The following THADA variants were observed in gnomAD, a reference collection of about 807,000 sequenced individuals.
THADA encodes the protein THADA armadillo repeat containing, also known as tRNA (32-2'-O)-methyltransferase regulator THADA.
In THADA, 213 loss-of-function variants were observed where a neutral mutation model predicts 219.8. The ratio of observed to expected loss-of-function variants is 0.97; its 90% CI spans 0.87 to 1.09. THADA has a LOEUF of 1.09. Among genes scored for constraint, THADA ranks in the 50% least tolerant of loss-of-function variants. The probability of loss-of-function intolerance (pLI) is 0.00; values close to 1 mark genes in which losing one functional copy is unlikely to be tolerated. For missense variants in THADA, 2,956 were observed against 2,311.3 expected (o/e 1.28, Z -5.72); for synonymous variants, 1,018 against 828.9 (o/e 1.23, Z -3.92).
chr2:43,554,718 C>G (rs1370587413), intron 17 of THADA, among the ~76,000 whole-genome samples: 1 of 152,050 alleles, frequency 6.6e-6, no homozygotes, highest in African/African-American at 2.4e-5. Context: ...AATTTAAAAG[C>G]CTACTTGGCA....
At chr2:43,331,566 C>T (rs1282603618) in intron 30 of THADA, among the ~76,000 whole-genome samples, 1 of 152,186 alleles carries the variant, frequency 6.6e-6, no homozygotes, top group Non-Finnish European at 1.5e-5. Flanking sequence ...GGTCTCTTAT[C>T]AAATCTTGCA....
intron 16 of THADA, among the ~76,000 whole-genome samples, chr2:43,557,307 G>A (rs1697492300): frequency 1.3e-5 from 2 of 152,134 alleles, no homozygotes; most frequent in Non-Finnish European, 1.5e-5. Flanking sequence ...ACTTTGTCCT[G>A]TAGAATTTTG....
chr2:43,592,086 C>T, intron 2 of THADA, 40 bp from the exon 3 acceptor site: 1 of 1,463,188 alleles, frequency 6.8e-7, no homozygotes, highest in Non-Finnish European at 9.2e-7. Context: ...AATGATTTAA[C>T]AGTGAGTTAA....
At chr2:43,522,717 C>G (rs1692652958) in intron 22 of THADA, among the ~76,000 whole-genome samples, 2 of 152,032 alleles carry the variant, frequency 1.3e-5, no homozygotes, top group Non-Finnish European at 2.9e-5. Context: ...TTACAGTAGG[C>G]TTAAAAATGA....
chr2:43,576,057 A>C (rs1019015248), intron 10 of THADA, among the ~76,000 whole-genome samples: 10 of 152,230 alleles, frequency 6.6e-5, no homozygotes, highest in Admixed American at 6.5e-4. Flanking sequence ...AGTTTTAAAA[A>C]ATGATGCTAA....
At chr2:43,482,517 G>T (rs1199358814) in intron 26 of THADA, among the ~76,000 whole-genome samples, 1 of 152,102 alleles carries the variant, frequency 6.6e-6, no homozygotes, top group Non-Finnish European at 1.5e-5. Context: ...ATTTTACAGA[G>T]AAGAAAACCA....
At chr2:43,509,300 G>C (rs941419906) in intron 22 of THADA, among the ~76,000 whole-genome samples, 11 of 152,156 alleles carry the variant, frequency 7.2e-5, no homozygotes, top group African/African-American at 2.7e-4. Context: ...TCTGGGAAGA[G>C]GCATAAACAT....
At chr2:43,281,930 T>C (rs1240496743) in intron 35 of THADA, among the ~76,000 whole-genome samples, 1 of 152,136 alleles carries the variant, frequency 6.6e-6, no homozygotes. Context: ...CCACCACATC[T>C]GGCTAATTTT....
In THADA at chr2:43,574,382, T is replaced by A; in HGVS notation, c.1683A>T (p.Leu561Phe). ...PKLLSYSPES[L>F]QYMVKILQTS... ...TCTGAAGAATCTTTACCATGTACTG[T>A]AAGCTTTCAGGGCTGTAACTTAATA... The change falls in exon 11 of 38, where the codon TTA becomes TTT. Residue 561 changes from leucine to phenylalanine, a missense_variant. Physicochemically the swap from Leu to Phe is conservative, Grantham distance 22. Transcript: ENST00000405975. The A allele has an allele frequency of 6.2e-7, 1 of 1,606,996 alleles. No homozygotes were observed. Among genetic ancestry groups the A allele is most frequent in the South Asian group, 1.1e-5 (1 of 89,878 alleles).
intron 26 of THADA, among the ~76,000 whole-genome samples, chr2:43,475,171 C>G (rs541626523): frequency 7.9e-5 from 12 of 152,176 alleles, no homozygotes; most frequent in African/African-American, 2.9e-4. Flanking sequence ...AATCCTATCA[C>G]TTTGGGAGGC....
At chr2:43,588,286 G>T (rs1252128432) in intron 4 of THADA, among the ~76,000 whole-genome samples, 1 of 146,194 alleles carries the variant, frequency 6.8e-6, no homozygotes, top group African/African-American at 2.6e-5. Context: ...GGACATAAAA[G>T]TTGAGCAAAA....
intron 15 of THADA, chr2:43,562,237 TCTC>T (rs1257009606): frequency 6.6e-6 from 1 of 152,212 alleles, no homozygotes; most frequent in African/African-American, 2.4e-5. Flanking sequence ...TTCCTTCTCT[TCTC>T]CTCTGTTTTC....
At chr2:43,499,031 C>T in intron 24 of THADA, 76 bp from the exon 25 acceptor site, 1 of 1,423,880 alleles carries the variant, frequency 7.0e-7, no homozygotes, top group Non-Finnish European at 9.3e-7. Flanking sequence ...TCCAATAGTA[C>T]AGCTTCAAAA....
At position 43,417,043 on chromosome 2, in the gene THADA, T is replaced by C. The variant is rs942045921; in HGVS notation, c.4058+11057A>G. Among the ~76,000 whole-genome samples the C allele has an allele frequency of 7.2e-4, 107 of 149,270 alleles. 1 individual carries two copies. The highest frequency in any genetic ancestry group is 1.5e-3 in the East Asian group (8 of 5,170). On this transcript the variant is annotated intron_variant, in intron 28 of 37. Coordinates refer to ENST00000405975, the MANE Select transcript of THADA (RefSeq NM_022065.5). The stretch of plus-strand genomic sequence containing the variant: ...ATATCCTCATGGCTGTTTTCTTTTT[T>C]TTTTTTTTTTTTTTTTGAGACGGAG...
At chr2:43,483,809 A>C (rs1686545704) in intron 26 of THADA, among the ~76,000 whole-genome samples, 1 of 151,618 alleles carries the variant, frequency 6.6e-6, no homozygotes, top group Admixed American at 6.6e-5. Flanking sequence ...AACAAAAAAA[A>C]ATTTTCTTCA....
At position 43,571,637 on chromosome 2, in the gene THADA, G is replaced by C. The variant is rs1558995116; in HGVS notation, c.2064+70C>G. On this transcript the variant is annotated intron_variant, in intron 13 of 37. Coordinates refer to ENST00000405975, the MANE Select transcript of THADA (RefSeq NM_022065.5). ...CATTCCCACACGCTCCCAAAATCTGGGCTCTTTTTAAAAACGATTTCCCAA... is the reference window on the plus strand; with the variant it reads ...CATTCCCACACGCTCCCAAAATCTGCGCTCTTTTTAAAAACGATTTCCCAA... The C allele has an allele frequency of 1.4e-5, 21 of 1,507,580 alleles. No individual in the cohort carries two copies. The East Asian group carries it at 4.5e-4, about 32-fold the overall frequency. The allele number at this position is 1,507,580 out of a possible 1,614,324, so 93.4% of individuals were successfully genotyped here. A position where few individuals can be genotyped will look rare whatever the true frequency, so the allele number is the denominator to read the frequency against.
chr2:43,456,234 C>G (rs1682980898), intron 26 of THADA, among the ~76,000 whole-genome samples: 1 of 152,158 alleles, frequency 6.6e-6, no homozygotes, highest in Non-Finnish European at 1.5e-5. Context: ...GTCATGCATT[C>G]AGACAAAGGT....
rs753018972 is a variant in THADA, at chr2:43,586,744, A to T, written c.452-10T>A. The T allele has an allele frequency of 6.8e-6, 11 of 1,612,188 alleles. No individual in the cohort carries two copies. Among genetic ancestry groups the T allele is most frequent in the Non-Finnish European group, 9.3e-6 (11 of 1,179,374 alleles). On this transcript the variant is annotated splice_polypyrimidine_tract_variant and intron_variant, in intron 5 of 37. Coordinates refer to ENST00000405975, the MANE Select transcript of THADA (RefSeq NM_022065.5). ...TTAACACTTGCTCTACCTGTAGAGG[A>T]AAAAATGAACACTGGTAAGGAGTTT...
intron 25 of THADA, among the ~76,000 whole-genome samples, chr2:43,486,929 T>C (rs1364043411): frequency 6.6e-6 from 1 of 152,172 alleles, no homozygotes; most frequent in Non-Finnish European, 1.5e-5. Context: ...ACCTCTCCTC[T>C]AGAAGCCCAG....
Sources: allele counts gnomAD v4.1 joint callset (sites outside exome capture counted in the v4.1 genomes callset), GRCh38; gene constraint gnomAD v4.1.1; transcripts MANE v1.5; gene names NCBI Gene and HGNC (gene_info 2026-07-23, HGNC 2026-07-21).